The following ZNF366 variants were observed in gnomAD, a reference collection of about 807,000 sequenced individuals.
ZNF366 encodes the protein zinc finger protein 366.
ZNF366 carries 20 observed loss-of-function variants against 47.2 expected under a neutral mutation model. The ratio of observed to expected loss-of-function variants is 0.42; its 90% CI spans 0.30 to 0.62. ZNF366 has a LOEUF of 0.62. Ranked by LOEUF, ZNF366 falls within the 20% of genes least tolerant of loss-of-function variation. The pLI is 0.16. For missense variants in ZNF366, 987 were observed against 976.3 expected (o/e 1.01, Z -0.15); for synonymous variants, 421 against 395.1 (o/e 1.07, Z -0.78).
Position 72,460,742 on chromosome 5 carries a change from C to A in ZNF366, c.755G>T (p.Arg252Leu). The change falls in exon 2 of 5, where the codon CGC (arginine) becomes CTC (leucine). Residue 252 changes from arginine to leucine, a missense_variant. By Grantham distance (102) the Arg-to-Leu change is moderately radical. This residue lies in a region of ZNF366 where 591 missense variants were observed against 560.9 expected (regional missense o/e 1.05). Coordinates refer to ENST00000318442, the MANE Select transcript of ZNF366 (RefSeq NM_152625.3). Reference protein sequence around the residue: ...YYVDVGGSQKRWQCPTCEKSY... With the variant: ...YYVDVGGSQKLWQCPTCEKSY... ...CTTCTCGCAGGTGGGGCACTGCCAG[C>A]GCTTCTGCGAGCCGCCCACGTCCAC... The A allele has an allele frequency of 2.5e-6, 4 of 1,614,190 alleles. No individual in the cohort carries two copies. Among genetic ancestry groups the A allele is most frequent in the Non-Finnish European group, 2.5e-6 (3 of 1,180,036 alleles).
intron 1 of ZNF366, among the ~76,000 whole-genome samples, chr5:72,481,934 G>A (rs1170275292): frequency 6.6e-6 from 1 of 152,144 alleles, no homozygotes; most frequent in Admixed American, 6.5e-5. Context: ...TCTAGTTCAG[G>A]TTTCATTCAT....
At chr5:72,454,320 T>C (rs1250031674) in intron 3 of ZNF366, among the ~76,000 whole-genome samples, 2 of 152,224 alleles carry the variant, frequency 1.3e-5, no homozygotes, top group East Asian at 3.8e-4. Flanking sequence ...CCAGGTTCCA[T>C]AGCACCTTGC....
Position 72,444,297 on chromosome 5 carries a change from A to G in ZNF366, c.1700-6T>C. On this transcript the variant is annotated splice_region_variant and splice_polypyrimidine_tract_variant and intron_variant, in intron 4 of 4. Transcript: ENST00000318442. Reference sequence around the variant, plus strand: ...GATTCTCCCCCTTCCCAGACCTGCAAGAGCAGAGTAAGAATTCATGCACCT... The same window carrying G: ...GATTCTCCCCCTTCCCAGACCTGCAGGAGCAGAGTAAGAATTCATGCACCT... The G allele has an allele frequency of 6.2e-7, 1 of 1,602,158 alleles. No homozygotes were observed.
At chr5:72,495,980 CTT>C (rs549458476) in intron 1 of ZNF366, among the ~76,000 whole-genome samples, 97 of 146,612 alleles carry the variant, frequency 6.6e-4, no homozygotes, top group African/African-American at 2.3e-3. Context: ...GAAAAATACA[CTT>C]TTTTTTTTTT....
Position 72,447,247 on chromosome 5 carries a change from G to T in ZNF366, c.1695C>A (p.Ser565=). ...KHGVMERGLH[S]QGLGRGRIAL... ...GCTTCCCAGAAGAGTGATTACCTTG[G>T]GAATGAAGGCCCCGCTCCATGACTC... The change falls in exon 4 of 5, where the codon TCC becomes TCA. Residue 565 remains serine (S), a synonymous_variant. Coordinates refer to ENST00000318442, the MANE Select transcript of ZNF366 (RefSeq NM_152625.3). 6.2e-7 allele frequency: 1 copy of T among 1,614,090 alleles called. No homozygotes were observed. The highest frequency in any genetic ancestry group is 8.5e-7 in the Non-Finnish European group (1 of 1,179,978).
chr5:72,477,421 A>T (rs1342880876), intron 1 of ZNF366, among the ~76,000 whole-genome samples: 1 of 152,210 alleles, frequency 6.6e-6, no homozygotes, highest in Non-Finnish European at 1.5e-5. Context: ...GATCTTAAGA[A>T]AACATGATTG....
At position 72,456,437 on chromosome 5, in the gene ZNF366, G is replaced by T; in HGVS notation, c.1491C>A (p.Ile497=). The stretch of plus-strand genomic sequence containing the variant: ...TGAAAGGCTTCACGTCAGAGTGGAC[G>T]ATCATGTGTGCCTTGAGGGTCTGCT... The part of the protein sequence containing the change: ...VQKQTLKAHM[I]VHSDVKPFKC... Residue 497 remains isoleucine, a synonymous_variant, in exon 3 of 5, where the codon ATC becomes ATA. Coordinates refer to ENST00000318442, the MANE Select transcript of ZNF366 (RefSeq NM_152625.3). 3.7e-6 allele frequency: 6 copies of T among 1,612,350 alleles called. No individual in the cohort carries two copies. Among genetic ancestry groups the T allele is most frequent in the Non-Finnish European group, 5.1e-6 (6 of 1,178,570 alleles).
intron 1 of ZNF366, among the ~76,000 whole-genome samples, chr5:72,491,124 G>A (rs895799583): frequency 4.6e-5 from 7 of 152,210 alleles, no homozygotes; most frequent in Non-Finnish European, 8.8e-5. Flanking sequence ...GTAGGGATTG[G>A]TTAGAAAGAA....
chr5:72,493,064 G>A (rs1744042857), intron 1 of ZNF366, among the ~76,000 whole-genome samples: 1 of 152,162 alleles, frequency 6.6e-6, no homozygotes, highest in Non-Finnish European at 1.5e-5. Context: ...AAAAGCAACT[G>A]TCTTAATTGC....
chr5:72,462,421 G>A (rs1317501522), intron 1 of ZNF366, among the ~76,000 whole-genome samples: 1 of 152,164 alleles, frequency 6.6e-6, no homozygotes, highest in Admixed American at 6.5e-5. Context: ...CAGTTACTGT[G>A]TCCTGAGACA....
At chr5:72,490,866 G>T (rs1188700015) in intron 1 of ZNF366, among the ~76,000 whole-genome samples, 8 of 152,184 alleles carry the variant, frequency 5.3e-5, no homozygotes, top group Admixed American at 5.2e-4. Flanking sequence ...AAGTAACATA[G>T]TACACAGCTC....
rs575450289 is a variant in ZNF366 at position 72,442,780 on chromosome 5, C to T, written c.*976G>A. On this transcript the variant is annotated 3_prime_UTR_variant, in exon 5 of 5. Coordinates refer to ENST00000318442, the MANE Select transcript of ZNF366 (RefSeq NM_152625.3). Reference sequence around the variant, plus strand: ...GGTTCAAACGATTCTCCTGCTTCAGCCTCCCGAGTAGCTGGAACTACAGGC... The same window carrying T: ...GGTTCAAACGATTCTCCTGCTTCAGTCTCCCGAGTAGCTGGAACTACAGGC... 6.6e-6 allele frequency: 1 copy of T among 152,108 alleles called. No individual in the cohort carries two copies. The highest frequency in any genetic ancestry group is 1.9e-4 in the East Asian group (1 of 5,144). 9.4% of individuals were successfully genotyped at this position (152,108 alleles called of 1,614,324 possible). A position where few individuals can be genotyped will look rare whatever the true frequency, so the allele number is the denominator to read the frequency against.
intron 1 of ZNF366, among the ~76,000 whole-genome samples, chr5:72,505,237 C>T (rs1744296945): frequency 6.6e-6 from 1 of 152,176 alleles, no homozygotes. Context: ...AATGCCAACT[C>T]ACTCTTTGGC....
In ZNF366 at chr5:72,443,865, C is replaced by T. The variant is rs1033462789; in HGVS notation, c.2126G>A (p.Arg709Gln). Residue 709 changes from arginine to glutamine, a missense_variant, in exon 5 of 5, where the codon CGG becomes CAG. Arg to Gln is a conservative substitution (Grantham distance 43). Coordinates refer to ENST00000318442, the MANE Select transcript of ZNF366 (RefSeq NM_152625.3). The part of the protein sequence containing the change: ...CLSLRAFQST[R>Q]RGPSFSDYLY... Reference sequence around the variant, plus strand: ...GTAATCAGAAAAAGAGGGGCCCCGCCGGGTACTCTGAAAAGCCCTGAGACT... The same window carrying T: ...GTAATCAGAAAAAGAGGGGCCCCGCTGGGTACTCTGAAAAGCCCTGAGACT... 23 of 1,614,094 alleles carry T rather than the reference C, an allele frequency of 1.4e-5. No individual in the cohort carries two copies. The highest frequency in any genetic ancestry group is 4.5e-5 in the East Asian group (2 of 44,902).
At chr5:72,462,788 T>C (rs1743351934) in intron 1 of ZNF366, among the ~76,000 whole-genome samples, 1 of 152,128 alleles carries the variant, frequency 6.6e-6, no homozygotes, top group Non-Finnish European at 1.5e-5. Flanking sequence ...CGATCTCAAG[T>C]GATCCACCCG....
At chr5:72,482,805 T>G (rs932023977) in intron 1 of ZNF366, among the ~76,000 whole-genome samples, 5 of 148,180 alleles carry the variant, frequency 3.4e-5, no homozygotes, top group African/African-American at 7.4e-5. Context: ...CTGAGAAACC[T>G]TCTCTTAAAA....
At chr5:72,480,943 T>G (rs1266769126) in intron 1 of ZNF366, among the ~76,000 whole-genome samples, 4 of 152,212 alleles carry the variant, frequency 2.6e-5, no homozygotes, top group Admixed American at 2.6e-4. Flanking sequence ...GTATATCGTA[T>G]TGCCTAAGAA....
intron 2 of ZNF366, 90 bp downstream of exon 2, chr5:72,460,075 C>A (rs780129752): frequency 1.0e-4 from 155 of 1,500,242 alleles, no homozygotes; most frequent in Non-Finnish European, 1.3e-4. Flanking sequence ...AGGTGCAGAG[C>A]GGCACAGGCG....
intron 1 of ZNF366, among the ~76,000 whole-genome samples, chr5:72,479,191 C>A (rs1743732223): frequency 1.3e-5 from 2 of 152,176 alleles, no homozygotes; most frequent in African/African-American, 4.8e-5. Flanking sequence ...TTTAGTGAGT[C>A]TGCCTTGCCC....
Sources: allele counts gnomAD v4.1 joint callset (sites outside exome capture counted in the v4.1 genomes callset), GRCh38; gene constraint gnomAD v4.1.1; regional missense constraint gnomAD v4.1.1; transcripts MANE v1.5; gene names NCBI Gene and HGNC (gene_info 2026-07-23, HGNC 2026-07-21).